RIN2: variants seen among roughly 807,000 people sequenced by gnomAD.
The protein encoded by RIN2 is Ras and Rab interactor 2, also known as RAB5 interacting protein 2.
RIN2 carries 36 observed loss-of-function variants against 78.0 expected under a neutral mutation model. The observed-to-expected ratio is 0.46, with a 90% CI of 0.35 to 0.61. The LOEUF (loss-of-function observed/expected upper bound fraction) is 0.61, where lower values mean the gene tolerates loss of function less well. Among genes scored for constraint, RIN2 ranks in the 20% least tolerant of loss-of-function variants. The pLI is 0.00. For missense variants in RIN2, 1,087 were observed against 1,159.7 expected, an observed-to-expected ratio of 0.94 and a Z score of 0.91; for synonymous variants, 466 against 466.8, an observed-to-expected ratio of 1.00 and a Z score of 0.02.
chr20:19,921,344 A>C (rs2123798825), intron 3 of RIN2, among the ~76,000 whole-genome samples: 1 of 152,304 alleles, frequency 6.6e-6, no homozygotes, highest in East Asian at 1.9e-4. Flanking sequence ...AGTGGATGCC[A>C]CACGTCAGCA....
At chr20:19,914,992 A>C (rs955701503) in intron 3 of RIN2, among the ~76,000 whole-genome samples, 11 of 152,192 alleles carry the variant, frequency 7.2e-5, no homozygotes, top group Admixed American at 5.2e-4. Flanking sequence ...CCATTCCCTA[A>C]GACCTTCGGG....
intron 2 of RIN2, chr20:19,809,464 C>G (rs2035519001): frequency 6.6e-6 from 1 of 152,414 alleles, no homozygotes; most frequent in African/African-American, 2.4e-5. Context: ...CAGGATATGG[C>G]AGTCCCCTAG....
chr20:19,810,878 G>GTT (rs71198025), intron 2 of RIN2, among the ~76,000 whole-genome samples: 2 of 135,398 alleles, frequency 1.5e-5, no homozygotes, highest in Non-Finnish European at 3.2e-5. Context: ...GTGTGTGTGT[G>GTT]TTTTTTTTTT....
At chr20:19,781,483 T>C (rs532243615) in intron 1 of RIN2, among the ~76,000 whole-genome samples, 1 of 152,302 alleles carries the variant, frequency 6.6e-6, no homozygotes, top group South Asian at 2.1e-4. Context: ...CTTTACCAAG[T>C]GACACGATTT....
intron 3 of RIN2, among the ~76,000 whole-genome samples, chr20:19,892,505 G>A (rs975359789): frequency 1.1e-4 from 16 of 152,108 alleles, no homozygotes; most frequent in Admixed American, 6.6e-4. Context: ...GAGCCACCAC[G>A]CCCAGCCTTG....
At chr20:19,866,903 G>A (rs1313107411) in intron 2 of RIN2, among the ~76,000 whole-genome samples, 1 of 152,172 alleles carries the variant, frequency 6.6e-6, no homozygotes, top group African/African-American at 2.4e-5. Context: ...GGGATTACAG[G>A]AGTGAGCCAC....
chr20:19,964,495 G>A (rs144255818), intron 6 of RIN2, among the ~76,000 whole-genome samples: 170 of 152,174 alleles, frequency 1.1e-3, no homozygotes, highest in Non-Finnish European at 2.1e-3. Flanking sequence ...TCCTTCTCCC[G>A]TGTGCTTTTA....
chr20:19,901,472 G>A lies in RIN2; in HGVS notation c.57+11814G>A, dbSNP rs183541268. Among the ~76,000 whole-genome samples the A allele has an allele frequency of 1.2e-3, 176 of 152,236 alleles. 2 individuals are homozygous for A. Among genetic ancestry groups the A allele is most frequent in the African/African-American group, 3.9e-3 (164 of 41,524 alleles). On this transcript the variant is annotated intron_variant, in intron 3 of 12. Transcript: ENST00000255006. ...ACACCCGACCTTGTCATTTACCCAC[G>A]GGTGCTAGCACAATCAGTGTGCTAC...
Position 19,809,911 on chromosome 20 carries a change from A to G in RIN2, c.-37+10164A>G, listed in dbSNP as rs115636441. On this transcript the variant is annotated intron_variant, in intron 2 of 12. Transcript: ENST00000255006. ...AGACACTTCCAGTTTTCAGAGGGAG[A>G]TCCTCTGCCACAAGAGAACAGCCCA... Among the ~76,000 whole-genome samples the G allele has an allele frequency of 6.6e-3, 1,007 of 152,226 alleles. 13 individuals are homozygous for G. The highest frequency in any genetic ancestry group is 0.023 in the African/African-American group (953 of 41,526).
intron 3 of RIN2, among the ~76,000 whole-genome samples, chr20:19,915,136 C>T (rs935788944): frequency 6.6e-6 from 1 of 152,156 alleles, no homozygotes; most frequent in African/African-American, 2.4e-5. Flanking sequence ...TTGGGTTCCT[C>T]CAGTAGCAGA....
At chr20:19,896,406 C>T (rs930356039) in intron 3 of RIN2, among the ~76,000 whole-genome samples, 63 of 152,078 alleles carry the variant, frequency 4.1e-4, no homozygotes, top group African/African-American at 9.4e-4. Flanking sequence ...GCCAGGCTGG[C>T]CTCCAACTCC....
rs938551810 is a variant in RIN2 at position 19,889,597 on chromosome 20, G to C, written c.-5G>C. On this transcript the variant is annotated 5_prime_UTR_variant, in exon 3 of 13. Transcript: ENST00000255006. ...CCGGCGTGCAGTGGAGCCTCGCTGG[G>C]GGAAATGACAGCTTGGACCATGGGC... 6.4e-7 allele frequency: 1 copy of C among 1,552,244 alleles called. No homozygotes were observed. Among genetic ancestry groups the C allele is most frequent in the African/African-American group, 1.4e-5 (1 of 73,218 alleles).
intron 1 of RIN2, among the ~76,000 whole-genome samples, chr20:19,783,241 A>G (rs968467231): frequency 1.1e-4 from 17 of 152,202 alleles, no homozygotes; most frequent in Non-Finnish European, 1.9e-4. Flanking sequence ...GGTTTTCTCA[A>G]ACTAAATTCC....
rs760056476 is a variant in RIN2, at chr20:19,974,714, T to C, written c.689T>C (p.Leu230Pro). ...AACCTTCCACCTCCCCATAGGCCTC[T>C]TTCCTCCGACGGTGTCTGTCCTGCC... is the stretch of plus-strand genomic sequence containing the variant. Reference protein sequence around the residue: ...PPNLPPPHRPLSSDGVCPASL... With the variant: ...PPNLPPPHRPPSSDGVCPASL... The change falls in exon 9 of 13, where the codon CTT (leucine) becomes CCT (proline). Residue 230 changes from leucine to proline, a missense_variant. Physicochemically the swap from Leu to Pro is moderately conservative, Grantham distance 98 (BLOSUM62 -3). Coordinates refer to ENST00000255006, the MANE Select transcript of RIN2 (RefSeq NM_018993.4). 9.1e-5 allele frequency: 147 copies of C among 1,613,888 alleles called. No homozygotes were observed. The highest frequency in any genetic ancestry group is 1.2e-4 in the Non-Finnish European group (145 of 1,179,896).
chr20:19,813,782 GATTA>G (rs752113214), intron 2 of RIN2, among the ~76,000 whole-genome samples: 4 of 152,146 alleles, frequency 2.6e-5, no homozygotes, highest in Non-Finnish European at 4.4e-5. Context: ...TGTCCCACAT[GATTA>G]ATTGTGTCAC....
chr20:19,953,676 A>G (rs199553), intron 4 of RIN2, among the ~76,000 whole-genome samples: 65,063 of 151,756 alleles, frequency 0.43, 14,367 homozygotes, highest in East Asian at 0.63. Context: ...CTGGTCTCAG[A>G]TGATCTGCCT....
chr20:19,952,195 T>C (rs1277031440), intron 4 of RIN2, among the ~76,000 whole-genome samples: 1 of 152,194 alleles, frequency 6.6e-6, no homozygotes, highest in African/African-American at 2.4e-5. Context: ...CTCACATATG[T>C]AGAAAGTACA....
At chr20:19,771,640 T>C (rs1303315308) in intron 1 of RIN2, among the ~76,000 whole-genome samples, 1 of 152,232 alleles carries the variant, frequency 6.6e-6, no homozygotes, top group Admixed American at 6.5e-5. Context: ...TTCGACATAC[T>C]TGTTTTTCAA....
In RIN2 at chr20:19,824,127, G is replaced by A. The variant is rs75835300; in HGVS notation, c.-37+24380G>A. Among the ~76,000 whole-genome samples, 961 of 152,274 alleles carry A rather than the reference G, an allele frequency of 6.3e-3. 12 individuals are homozygous for A. The highest frequency in any genetic ancestry group is 0.022 in the African/African-American group (919 of 41,558). ...TTATTTGCATGCTGGACCTGAGTGAGATCCTATTTCAGGAGCTTCATCTAG... is the reference window on the plus strand; with the variant it reads ...TTATTTGCATGCTGGACCTGAGTGAAATCCTATTTCAGGAGCTTCATCTAG... On this transcript the variant is annotated intron_variant, in intron 2 of 12. Transcript: ENST00000255006.
Sources: allele counts gnomAD v4.1 joint callset (sites outside exome capture counted in the v4.1 genomes callset), GRCh38; gene constraint gnomAD v4.1.1; transcripts MANE v1.5; gene names NCBI Gene and HGNC (gene_info 2026-07-23, HGNC 2026-07-21).